The following ADGRB3 variants were observed in gnomAD, a reference collection of about 807,000 sequenced individuals.
ADGRB3 encodes the protein brain-specific angiogenesis inhibitor 3.
A neutral mutation model predicts 193.4 loss-of-function variants in ADGRB3; 37 were observed. The ratio of observed to expected loss-of-function variants is 0.19; its 90% confidence interval spans 0.15 to 0.25. ADGRB3 has a LOEUF of 0.25. Ranked by LOEUF, ADGRB3 falls within the 10% of genes least tolerant of loss-of-function variation. ADGRB3 has a pLI of 1.00. For missense variants in ADGRB3, 1,637 were observed against 1,852.9 expected (o/e 0.88, Z 2.14); for synonymous variants, 690 against 644.2 (o/e 1.07, Z -1.08).
chr6:69,114,837 T>C (rs1773481739), intron 17 of ADGRB3, among the ~76,000 whole-genome samples: 1 of 152,156 alleles, frequency 6.6e-6, no homozygotes. Context: ...AACAAACATA[T>C]GAAAAAATGC....
chr6:69,177,151 C>G (rs1437300082), intron 17 of ADGRB3, among the ~76,000 whole-genome samples: 1 of 151,936 alleles, frequency 6.6e-6, no homozygotes, highest in African/African-American at 2.4e-5. Context: ...TTCGTTATTT[C>G]TTTTCTTCTA....
At chr6:69,113,954 A>C (rs1222892677) in intron 17 of ADGRB3, among the ~76,000 whole-genome samples, 1 of 152,116 alleles carries the variant, frequency 6.6e-6, no homozygotes, top group East Asian at 1.9e-4. Context: ...TGCATTACCT[A>C]ATTTCTTGTG....
intron 20 of ADGRB3, among the ~76,000 whole-genome samples, chr6:69,255,215 A>G (rs1766731511): frequency 6.6e-6 from 1 of 152,308 alleles, no homozygotes; most frequent in South Asian, 2.1e-4. Context: ...TCCTTTGGGT[A>G]TATACCCAGT....
At chr6:68,664,841 G>A (rs1343290042) in intron 3 of ADGRB3, among the ~76,000 whole-genome samples, 1 of 151,848 alleles carries the variant, frequency 6.6e-6, no homozygotes, top group Non-Finnish European at 1.5e-5. Context: ...AAGGGAGGGT[G>A]AAGGGGGCTT....
chr6:69,277,368 G>A (rs1767325283), intron 20 of ADGRB3, among the ~76,000 whole-genome samples: 1 of 152,116 alleles, frequency 6.6e-6, no homozygotes, highest in Non-Finnish European at 1.5e-5. Context: ...CTCTACACTA[G>A]TCAACACCAT....
intron 13 of ADGRB3, among the ~76,000 whole-genome samples, chr6:69,019,734 C>T (rs1194139920): frequency 2.0e-5 from 3 of 151,894 alleles, no homozygotes; most frequent in African/African-American, 7.2e-5. Flanking sequence ...ATTGGAGGGC[C>T]CACACTTTTC....
chr6:68,813,802 C>G (rs1767569039), intron 3 of ADGRB3, among the ~76,000 whole-genome samples: 2 of 152,178 alleles, frequency 1.3e-5, no homozygotes, highest in South Asian at 4.1e-4. Context: ...TGAGAACATG[C>G]AGTGTTTGGT....
At chr6:69,011,039 T>C (rs548339298) in intron 11 of ADGRB3, among the ~76,000 whole-genome samples, 4 of 152,084 alleles carry the variant, frequency 2.6e-5, no homozygotes, top group Non-Finnish European at 1.5e-5. Flanking sequence ...AGTGCTGTTC[T>C]GTTAGGTTTG....
At chr6:68,736,036 G>A (rs1290657989) in intron 3 of ADGRB3, among the ~76,000 whole-genome samples, 1 of 152,100 alleles carries the variant, frequency 6.6e-6, no homozygotes, top group Non-Finnish European at 1.5e-5. Flanking sequence ...TTTAGAGACT[G>A]AGTCTTGTTC....
rs1294486851 is a variant in ADGRB3 at position 68,904,091 on chromosome 6, GAGGA to G, written c.758-26448_758-26445del. ...GGAAGGAGGGAGGGCTGGAGGGCGG[GAGGA>G]AGGAAGGAAGGAAGGAAGGGAGGGA... On this transcript the variant is annotated intron_variant, in intron 3 of 31. Transcript: ENST00000370598. Among the ~76,000 whole-genome samples, 407 of 58,674 alleles carry G rather than the reference GAGGA, an allele frequency of 6.9e-3. 6 individuals are homozygous for G. Among genetic ancestry groups the G allele is most frequent in the African/African-American group, 0.019 (337 of 17,874 alleles). The allele number at this position is 58,674 out of a possible 152,430, so 38.5% of individuals were successfully genotyped here.
At chr6:68,913,364 A>T (rs1766778313) in intron 3 of ADGRB3, among the ~76,000 whole-genome samples, 1 of 152,198 alleles carries the variant, frequency 6.6e-6, no homozygotes, top group Non-Finnish European at 1.5e-5. Flanking sequence ...AGGAACGATA[A>T]GACAGCAACA....
At chr6:69,245,621 A>G (rs1305707463) in intron 20 of ADGRB3, among the ~76,000 whole-genome samples, 1 of 151,942 alleles carries the variant, frequency 6.6e-6, no homozygotes, top group Non-Finnish European at 1.5e-5. Flanking sequence ...GTTTCATGCT[A>G]TACTTCATCC....
chr6:69,355,781 A>G (rs1769324890), intron 27 of ADGRB3, 40 bp from the exon 28 acceptor site: 1 of 1,537,500 alleles, frequency 6.5e-7, no homozygotes, highest in Non-Finnish European at 9.0e-7. Context: ...TGAGGTCTTC[A>G]TTAAATGATG....
intron 3 of ADGRB3, among the ~76,000 whole-genome samples, chr6:68,648,034 A>G (rs1380169857): frequency 2.0e-5 from 3 of 152,206 alleles, no homozygotes; most frequent in Non-Finnish European, 2.9e-5. Flanking sequence ...ATGAGACTCT[A>G]TGAAATGCCA....
rs1267103534 is a variant in ADGRB3, at chr6:69,233,383, C to T, written c.2574C>T (p.Thr858=). Residue 858 remains threonine (T), a synonymous_variant, in exon 18 of 32, where the codon ACC becomes ACT. Transcript: ENST00000370598. ...HTKCLCDRLS[T]FAILAQQPRE... ...AATGCTTATGTGATCGTCTCTCTAC[C>T]TTCGCCATTTTGGCTCAGCAACCTA... 1.2e-6 allele frequency: 2 copies of T among 1,614,086 alleles called. No homozygotes were observed. The highest frequency in any genetic ancestry group is 1.6e-4 in the Middle Eastern group (1 of 6,062).
chr6:68,989,019 A>G (rs1320383200), intron 10 of ADGRB3, among the ~76,000 whole-genome samples: 4 of 152,174 alleles, frequency 2.6e-5, no homozygotes, highest in African/African-American at 9.6e-5. Flanking sequence ...CCACACCCAG[A>G]GAAATGCACT....
chr6:68,932,610 TTTAAGGTG>T (rs1767371652), intron 4 of ADGRB3, among the ~76,000 whole-genome samples: 1 of 152,020 alleles, frequency 6.6e-6, no homozygotes, highest in Non-Finnish European at 1.5e-5. Context: ...ATTATACTTT[TTTAAGGTG>T]TTAAGGTAGT....
At chr6:68,674,578 C>G (rs145114640) in intron 3 of ADGRB3, among the ~76,000 whole-genome samples, 1 of 152,100 alleles carries the variant, frequency 6.6e-6, no homozygotes, top group South Asian at 2.1e-4. Flanking sequence ...GCTATAAATA[C>G]GGTACTACTC....
At chr6:68,982,723 A>G (rs2150269550) in intron 10 of ADGRB3, among the ~76,000 whole-genome samples, 1 of 152,286 alleles carries the variant, frequency 6.6e-6, no homozygotes, top group East Asian at 1.9e-4. Flanking sequence ...GCAGAAGCTC[A>G]GCAAATGTTT....
Sources: gnomAD v4.1 joint callset for allele counts (sites outside exome capture counted in the v4.1 genomes callset) on GRCh38, gnomAD v4.1.1 for gene constraint, MANE v1.5 for transcripts, NCBI Gene and HGNC (gene_info 2026-07-23, HGNC 2026-07-21) for gene names.